The following ZNF365 variants were observed in gnomAD, a reference collection of about 807,000 sequenced individuals.
ZNF365 encodes the protein zinc finger protein 365.
A neutral mutation model predicts 35.0 loss-of-function variants in ZNF365; 22 were observed. That is an observed-to-expected ratio of 0.63 (90% CI 0.45 to 0.90). The LOEUF (loss-of-function observed/expected upper bound fraction) is 0.90. Ranked by LOEUF, ZNF365 falls within the 40% of genes least tolerant of loss-of-function variation. ZNF365 has a pLI of 0.00. For missense variants in ZNF365, 448 were observed against 500.3 expected, an observed-to-expected ratio of 0.90 and a Z score of 1.00; for synonymous variants, 188 against 196.2, an observed-to-expected ratio of 0.96 and a Z score of 0.35.
intron 3 of ZNF365, among the ~76,000 whole-genome samples, chr10:62,393,812 C>T (rs1458778272): frequency 1.3e-5 from 2 of 152,076 alleles, no homozygotes; most frequent in African/African-American, 2.4e-5. Context: ...AATTTACAGA[C>T]GAGAGCTGTG....
At chr10:62,455,048 A>G (rs1037738661) in intron 3 of ZNF365, among the ~76,000 whole-genome samples, 1 of 152,208 alleles carries the variant, frequency 6.6e-6, no homozygotes, top group Non-Finnish European at 1.5e-5. Context: ...GGGGGTTAAA[A>G]GACTGGAAAG....
At chr10:62,465,070 C>T (rs561566526) in intron 4 of ZNF365, among the ~76,000 whole-genome samples, 5 of 152,340 alleles carry the variant, frequency 3.3e-5, no homozygotes, top group South Asian at 2.1e-4. Context: ...CATCCCTTTG[C>T]TCTCAGGATC....
intron 3 of ZNF365, among the ~76,000 whole-genome samples, chr10:62,436,676 T>C (rs1840412750): frequency 6.6e-6 from 1 of 152,206 alleles, no homozygotes; most frequent in African/African-American, 2.4e-5. Flanking sequence ...ATCATTGCAC[T>C]TACTAAGTTC....
chr10:62,420,279 C>T (rs1023890619), intron 3 of ZNF365, among the ~76,000 whole-genome samples: 4 of 152,098 alleles, frequency 2.6e-5, no homozygotes, highest in Admixed American at 1.3e-4. Flanking sequence ...GAAATTAACT[C>T]GTAATAAATA....
At chr10:62,465,735 CCTCATT>C (rs1840932481) in intron 4 of ZNF365, among the ~76,000 whole-genome samples, 1 of 152,176 alleles carries the variant, frequency 6.6e-6, no homozygotes, top group Non-Finnish European at 1.5e-5. Context: ...ATCCACATAA[CCTCATT>C]CTTCCTGGAT....
At chr10:62,387,329 T>C (rs1037826787) in intron 2 of ZNF365, among the ~76,000 whole-genome samples, 1 of 152,044 alleles carries the variant, frequency 6.6e-6, no homozygotes, top group Non-Finnish European at 1.5e-5. Context: ...GGGGATGAGT[T>C]TGATGTTCAT....
In ZNF365 at chr10:62,402,049, A is replaced by T. The variant is rs1839838663; in HGVS notation, c.*2260A>T. The T allele has an allele frequency of 1.0e-6, 1 of 985,602 alleles. No homozygotes were observed. The highest frequency in any genetic ancestry group is 6.2e-5 in the Admixed American group (1 of 16,258). The allele number at this position is 985,602 out of a possible 1,614,324, so 61.1% of individuals were successfully genotyped here. On this transcript the variant is annotated 3_prime_UTR_variant, in exon 5 of 5. Coordinates refer to ENST00000395254, the MANE Select transcript of ZNF365 (RefSeq NM_014951.3). ...CTTACTCAGAAGCATACTCCACTTAACATACCATGGCCTGAGCTAAGTACC... is the reference window on the plus strand; with the variant it reads ...CTTACTCAGAAGCATACTCCACTTATCATACCATGGCCTGAGCTAAGTACC...
intron 3 of ZNF365, among the ~76,000 whole-genome samples, chr10:62,444,651 T>C (rs1196729560): frequency 6.6e-6 from 1 of 152,150 alleles, no homozygotes; most frequent in Non-Finnish European, 1.5e-5. Flanking sequence ...GCATGGGCCC[T>C]GGCAGTTAAA....
intron 3 of ZNF365, among the ~76,000 whole-genome samples, chr10:62,455,153 C>G (rs974766273): frequency 6.6e-6 from 1 of 152,052 alleles, no homozygotes; most frequent in Non-Finnish European, 1.5e-5. Flanking sequence ...AGGTTTTAAG[C>G]AGGGGAGTGT....
downstream of ZNF365, among the ~76,000 whole-genome samples, chr10:62,403,715 C>A (rs112256606): frequency 8.9e-3 from 1,353 of 152,266 alleles, 21 homozygotes; most frequent in African/African-American, 0.03. Flanking sequence ...TCAGTTCAAA[C>A]CTGTATCATT....
At chr10:62,399,129 G>A (rs1181399488) in intron 4 of ZNF365, among the ~76,000 whole-genome samples, 2 of 152,060 alleles carry the variant, frequency 1.3e-5, no homozygotes, top group African/African-American at 4.8e-5. Flanking sequence ...ATTCATCCTG[G>A]CAGTCATATG....
chr10:62,463,765 AAAG>A (rs1272331345), intron 4 of ZNF365, among the ~76,000 whole-genome samples: 4 of 152,226 alleles, frequency 2.6e-5, no homozygotes, highest in Non-Finnish European at 5.9e-5. Context: ...TTCTAGGAAT[AAAG>A]AAGAGAAAGC....
At chr10:62,427,166 C>T in intron 3 of ZNF365, among the ~76,000 whole-genome samples, 1 of 152,172 alleles carries the variant, frequency 6.6e-6, no homozygotes, top group East Asian at 1.9e-4. Flanking sequence ...TTTTTCTATA[C>T]TATTTATCAT....
intron 3 of ZNF365, among the ~76,000 whole-genome samples, chr10:62,392,306 C>T (rs1162070380): frequency 6.6e-6 from 1 of 152,178 alleles, no homozygotes; most frequent in Non-Finnish European, 1.5e-5. Context: ...GTCATGAAGT[C>T]TTTGCCTAAG....
At chr10:62,430,288 C>T (rs895876631) in intron 3 of ZNF365, among the ~76,000 whole-genome samples, 29 of 123,778 alleles carry the variant, frequency 2.3e-4, no homozygotes, top group African/African-American at 9.1e-4. Context: ...TCACGCCATT[C>T]TCCTGCCTCA....
intron 3 of ZNF365, among the ~76,000 whole-genome samples, chr10:62,457,454 T>C (rs1217486575): frequency 3.9e-5 from 6 of 152,226 alleles, no homozygotes; most frequent in Non-Finnish European, 8.8e-5. Context: ...TAGAATTACA[T>C]TCACATTTGC....
At chr10:62,444,841 T>A (rs1253998652) in intron 3 of ZNF365, among the ~76,000 whole-genome samples, 1 of 152,118 alleles carries the variant, frequency 6.6e-6, no homozygotes, top group South Asian at 2.1e-4. Flanking sequence ...CAGTTACATA[T>A]GTATACATGT....
intron 2 of ZNF365, among the ~76,000 whole-genome samples, chr10:62,377,342 A>G (rs991096890): frequency 1.3e-5 from 2 of 152,252 alleles, no homozygotes; most frequent in South Asian, 2.1e-4. Context: ...AAGTCAATGC[A>G]AGATGCTGTC....
intron 2 of ZNF365, among the ~76,000 whole-genome samples, chr10:62,385,754 GA>G (rs1366154651): frequency 6.6e-6 from 1 of 152,130 alleles, no homozygotes; most frequent in East Asian, 1.9e-4. Context: ...TTGAGTGCTG[GA>G]CTTAGAACAG....
Sources: gnomAD v4.1 joint callset for allele counts (sites outside exome capture counted in the v4.1 genomes callset) on GRCh38, gnomAD v4.1.1 for gene constraint, MANE v1.5 for transcripts, NCBI Gene and HGNC (gene_info 2026-07-23, HGNC 2026-07-21) for gene names.